The following SLC37A1 variants were observed in gnomAD, a reference collection of about 807,000 sequenced individuals.
The protein encoded by SLC37A1 is solute carrier family 37 member 1.
Under a neutral mutation model 75.3 loss-of-function variants are expected in SLC37A1, and 49 were observed. The ratio of observed to expected loss-of-function variants is 0.65; its 90% CI spans 0.52 to 0.83. The LOEUF is 0.83. Among genes scored for constraint, SLC37A1 ranks in the 40% least tolerant of loss-of-function variants. The probability of loss-of-function intolerance (pLI) is 0.00; values close to 1 mark genes in which losing one functional copy is unlikely to be tolerated. For synonymous variants in SLC37A1, 268 were observed against 292.1 expected, an observed-to-expected ratio of 0.92 and a Z score of 0.84; for missense variants, 566 against 695.0, an observed-to-expected ratio of 0.81 and a Z score of 2.09.
intron 9 of SLC37A1, among the ~76,000 whole-genome samples, chr21:42,551,035 C>T (rs1410519572): frequency 1.3e-5 from 2 of 152,178 alleles, no homozygotes; most frequent in East Asian, 1.9e-4. Context: ...CTGCTCTTGC[C>T]GTTTCTATTT....
intron 16 of SLC37A1, 107 bp downstream of exon 16, chr21:42,567,165 C>G: frequency 1.7e-6 from 2 of 1,187,550 alleles, no homozygotes; most frequent in South Asian, 2.7e-5. Context: ...TGCAGAAGCA[C>G]GTTTTTGGCA....
intron 17 of SLC37A1, 70 bp from the exon 18 acceptor site, chr21:42,574,748 C>T (rs111257582): frequency 6.8e-7 from 1 of 1,468,594 alleles, no homozygotes; most frequent in East Asian, 2.3e-5. Context: ...GCCCCATTCT[C>T]TGTGGCTGCT....
intron 5 of SLC37A1, among the ~76,000 whole-genome samples, chr21:42,536,276 A>G (rs140467569): frequency 1.5e-3 from 234 of 152,338 alleles, no homozygotes; most frequent in African/African-American, 5.5e-3. Flanking sequence ...TGGAGGAAAT[A>G]ATAGTTCTTA....
chr21:42,519,359 A>G (rs973128101), intron 2 of SLC37A1, among the ~76,000 whole-genome samples: 2 of 152,210 alleles, frequency 1.3e-5, no homozygotes, highest in Non-Finnish European at 2.9e-5. Context: ...TCAAGAGAAC[A>G]GAGAACAGAT....
chr21:42,575,283 T>C (rs913348921), intron 18 of SLC37A1: 5 of 985,118 alleles, frequency 5.1e-6, no homozygotes, highest in Non-Finnish European at 6.0e-6. Context: ...AGTGACAAGA[T>C]TGTTGTGGGA....
chr21:42,514,079 C>A lies in SLC37A1; in HGVS notation c.-817C>A, dbSNP rs111804710. 1 of 150,880 alleles carries A rather than the reference C, an allele frequency of 6.6e-6. No individual in the cohort carries two copies. The highest frequency in any genetic ancestry group is 1.5e-5 in the Non-Finnish European group (1 of 67,638). The allele number at this position is 150,880 out of a possible 1,614,324, so 9.3% of individuals were successfully genotyped here. ...GGGGCCCTGCGCACTCGGAGCTCGG[C>A]TCCTCTCCTTCCTTTTCTTTTTTTT... is the stretch of plus-strand genomic sequence containing the variant. On this transcript the variant is annotated 5_prime_UTR_variant, in exon 1 of 20. Coordinates refer to ENST00000352133, the MANE Select transcript of SLC37A1 (RefSeq NM_001320537.2). This position sits in a 1 kb window ranked among gnomAD's most constrained non-coding sequence, Gnocchi z 4.8.
chr21:42,549,497 G>A lies in SLC37A1; in HGVS notation c.768+2357G>A, dbSNP rs73374201. Among the ~76,000 whole-genome samples, 1,483 of 152,290 alleles carry A rather than the reference G, an allele frequency of 9.7e-3. 27 individuals are homozygous for A. Among genetic ancestry groups the A allele is most frequent in the African/African-American group, 0.034 (1,394 of 41,552 alleles). On this transcript the variant is annotated intron_variant, in intron 9 of 19. Coordinates refer to ENST00000352133, the MANE Select transcript of SLC37A1 (RefSeq NM_001320537.2). ...AGGTGGTCCAGAGAAACAGCTTCTC[G>A]TCCTCTCTCCTCTCCATGTTGGCTG...
intron 3 of SLC37A1, among the ~76,000 whole-genome samples, chr21:42,527,624 T>C (rs1236084531): frequency 2.0e-5 from 3 of 152,136 alleles, no homozygotes. Context: ...GGGTCTTCGT[T>C]CCCCAGGCAG....
At position 42,569,867 on chromosome 21, in the gene SLC37A1, A is replaced by C. The variant is rs79766537; in HGVS notation, c.1423+1429A>C. Among the ~76,000 whole-genome samples, 888 of 152,358 alleles carry C rather than the reference A, an allele frequency of 5.8e-3. 36 individuals carry two copies. In the East Asian group the frequency reaches 0.091, roughly 16 times the overall value. On this transcript the variant is annotated intron_variant, in intron 17 of 19. Coordinates refer to ENST00000352133, the MANE Select transcript of SLC37A1 (RefSeq NM_001320537.2). ...AGCCGGGGCCCAGGCGGCTGACTGC[A>C]CAGTGAGGAGCCAGGCCGGACAGGC...
At chr21:42,550,792 T>C (rs1466732750) in intron 9 of SLC37A1, among the ~76,000 whole-genome samples, 1 of 152,220 alleles carries the variant, frequency 6.6e-6, no homozygotes, top group Non-Finnish European at 1.5e-5. Flanking sequence ...GTTAATGTAA[T>C]ACACCATTTG....
At chr21:42,502,498 C>T (rs796851351) in intron 2 of SLC37A1, 3 of 152,282 alleles carry the variant, frequency 2.0e-5, no homozygotes, top group Admixed American at 6.5e-5. Flanking sequence ...CATATTTTCT[C>T]GATTATTTGA....
chr21:42,575,191 G>A, intron 18 of SLC37A1: 3 of 983,844 alleles, frequency 3.0e-6, no homozygotes, highest in Non-Finnish European at 3.6e-6. Flanking sequence ...CCTGTCACCT[G>A]TCATGTGTGT....
intron 18 of SLC37A1, among the ~76,000 whole-genome samples, chr21:42,577,866 G>A (rs552206577): frequency 4.6e-5 from 7 of 152,300 alleles, no homozygotes; most frequent in South Asian, 2.1e-4. Flanking sequence ...GAAACTACAC[G>A]ACAGGTAAAT....
chr21:42,506,857 A>G (rs1483821106), intron 2 of SLC37A1, among the ~76,000 whole-genome samples: 1 of 152,198 alleles, frequency 6.6e-6, no homozygotes, highest in Non-Finnish European at 1.5e-5. Context: ...AGTAATATTC[A>G]GGAAAGAATA....
Position 42,518,526 on chromosome 21 carries a change from G to A in SLC37A1, c.56+16G>A, listed in dbSNP as rs113847630. The A allele has an allele frequency of 3.1e-6, 5 of 1,613,946 alleles. No homozygotes were observed. Among genetic ancestry groups the A allele is most frequent in the East Asian group, 2.2e-5 (1 of 44,892 alleles). ...GGGATCAGTGGTGAGTCCTGGTGGG[G>A]CAGGCCCTTGGCATGGAGCTGTGTA... is the stretch of plus-strand genomic sequence containing the variant. On this transcript the variant is annotated intron_variant, in intron 2 of 19. Coordinates refer to ENST00000352133, the MANE Select transcript of SLC37A1 (RefSeq NM_001320537.2).
chr21:42,565,682 G>C, intron 14 of SLC37A1, 145 bp from the exon 15 acceptor site: 2 of 676,132 alleles, frequency 3.0e-6, no homozygotes, highest in South Asian at 3.6e-5. Context: ...GGGAGGGGGC[G>C]TGGCCGTCAC....
intron 2 of SLC37A1, among the ~76,000 whole-genome samples, chr21:42,523,897 C>CTTT (rs11450148): frequency 2.0e-5 from 3 of 148,666 alleles, no homozygotes; most frequent in African/African-American, 5.0e-5. Flanking sequence ...GAAATATGGC[C>CTTT]TTTTTTTTTT....
At chr21:42,566,226 G>A (rs1224794562) in intron 15 of SLC37A1, among the ~76,000 whole-genome samples, 1 of 152,218 alleles carries the variant, frequency 6.6e-6, no homozygotes, top group African/African-American at 2.4e-5. Context: ...CCTGCGACCT[G>A]CCACCTGCAC....
chr21:42,525,079 G>C (rs866175293), intron 2 of SLC37A1, among the ~76,000 whole-genome samples: 1 of 152,224 alleles, frequency 6.6e-6, no homozygotes, highest in South Asian at 2.1e-4. Context: ...GGGCTTGCAG[G>C]CTGCTGAGCA....
Sources: gnomAD v4.1 joint callset for allele counts (sites outside exome capture counted in the v4.1 genomes callset) on GRCh38, gnomAD v4.1.1 for gene constraint, Gnocchi (gnomAD v3.1) non-coding constraint, MANE v1.5 for transcripts, NCBI Gene and HGNC (gene_info 2026-07-23, HGNC 2026-07-21) for gene names.